The following PLEKHM3 variants were observed in gnomAD, a reference collection of about 807,000 sequenced individuals.
The protein encoded by PLEKHM3 is pleckstrin homology domain containing M3.
In PLEKHM3, 45 loss-of-function variants were observed where a neutral mutation model predicts 81.8. That is an observed-to-expected ratio of 0.55 (90% CI 0.43 to 0.71). PLEKHM3 has a LOEUF of 0.71. Among genes scored for constraint, PLEKHM3 ranks in the 30% least tolerant of loss-of-function variants. The pLI is 0.00. For synonymous variants in PLEKHM3, 352 were observed against 356.4 expected, an observed-to-expected ratio of 0.99 and a Z score of 0.14; for missense variants, 788 against 924.3, an observed-to-expected ratio of 0.85 and a Z score of 1.91.
chr2:207,921,749 G>C (rs1689189609), intron 5 of PLEKHM3, among the ~76,000 whole-genome samples: 1 of 152,134 alleles, frequency 6.6e-6, no homozygotes, highest in South Asian at 2.1e-4. Flanking sequence ...ATATGAATGA[G>C]AACATGGAGT....
intron 1 of PLEKHM3, among the ~76,000 whole-genome samples, chr2:208,006,495 C>T (rs1362883426): frequency 6.6e-6 from 1 of 152,188 alleles, no homozygotes; most frequent in Non-Finnish European, 1.5e-5. Context: ...ACCATTTAAC[C>T]TCTGCATGCC....
Position 207,832,111 on chromosome 2 carries a change from C to G in PLEKHM3, c.2109-3615G>C, listed in dbSNP as rs996407615. Among the ~76,000 whole-genome samples the G allele has an allele frequency of 1.6e-4, 25 of 152,174 alleles. 1 individual carries two copies. The highest frequency in any genetic ancestry group is 6.0e-4 in the African/African-American group (25 of 41,442). Reference sequence around the variant, plus strand: ...AAACACCCATGGGGTGATGGAAGAGCTGAGCGCACCTGCTCTTTCTAACCA... The same window carrying G: ...AAACACCCATGGGGTGATGGAAGAGGTGAGCGCACCTGCTCTTTCTAACCA... On this transcript the variant is annotated intron_variant, in intron 7 of 7. Transcript: ENST00000427836.
intron 5 of PLEKHM3, among the ~76,000 whole-genome samples, 184 bp downstream of exon 5, chr2:207,930,742 G>A (rs1486880717): frequency 6.6e-6 from 1 of 152,116 alleles, no homozygotes; most frequent in South Asian, 2.1e-4. Flanking sequence ...TAACCAAATG[G>A]GGACCTTGGA....
chr2:207,899,701 C>A (rs1040949359), intron 6 of PLEKHM3, among the ~76,000 whole-genome samples: 1 of 152,120 alleles, frequency 6.6e-6, no homozygotes, highest in South Asian at 2.1e-4. Context: ...ACTCATTCTA[C>A]GAATGTTTTG....
chr2:207,979,105 C>T (rs7593972), intron 2 of PLEKHM3, among the ~76,000 whole-genome samples: 68,956 of 152,058 alleles, frequency 0.45, 18,935 homozygotes, highest in Non-Finnish European at 0.6. Context: ...CCCCTCCTAT[C>T]TTCTTTTCTC....
chr2:207,840,797 A>ATTTTTTTATTTTTTTTTTTTTTTTT (rs1234865200), intron 7 of PLEKHM3, among the ~76,000 whole-genome samples: 1 of 110,260 alleles, frequency 9.1e-6, no homozygotes. Flanking sequence ...AACACTTTTT[A>ATTTTTTTATTTTTTTTTTTTTTTTT]TGTTTTTTTT....
intron 6 of PLEKHM3, among the ~76,000 whole-genome samples, chr2:207,871,132 C>T (rs1185735292): frequency 6.6e-6 from 1 of 152,112 alleles, no homozygotes. Flanking sequence ...ATAAATATCA[C>T]CAAAGTATAT....
chr2:207,956,717 A>AT (rs1690523988), intron 3 of PLEKHM3, among the ~76,000 whole-genome samples: 12 of 77,604 alleles, frequency 1.5e-4, no homozygotes, highest in Non-Finnish European at 2.8e-4. Flanking sequence ...GGCTGATTAA[A>AT]ATTTTTTTTT....
chr2:207,870,114 C>A (rs562914920), intron 6 of PLEKHM3, among the ~76,000 whole-genome samples: 1 of 152,242 alleles, frequency 6.6e-6, no homozygotes, highest in Admixed American at 6.5e-5. Flanking sequence ...GGTCTGCAGC[C>A]AATAGAGATC....
intron 5 of PLEKHM3, among the ~76,000 whole-genome samples, chr2:207,916,024 C>A (rs1340783597): frequency 6.6e-6 from 1 of 152,138 alleles, no homozygotes; most frequent in Non-Finnish European, 1.5e-5. Context: ...TTCGTATGTC[C>A]AGCCATACTC....
intron 7 of PLEKHM3, among the ~76,000 whole-genome samples, chr2:207,845,441 TG>T (rs2092377197): frequency 1.3e-5 from 2 of 152,216 alleles, no homozygotes; most frequent in South Asian, 4.1e-4. Context: ...TACAGTCCCA[TG>T]GGGAAGAAAA....
chr2:207,987,344 C>A (rs1691761717), intron 2 of PLEKHM3, among the ~76,000 whole-genome samples: 1 of 152,204 alleles, frequency 6.6e-6, no homozygotes, highest in African/African-American at 2.4e-5. Context: ...TCCACTCTAG[C>A]CACCGACTCT....
At chr2:207,869,180 A>G (rs1294751160) in intron 6 of PLEKHM3, among the ~76,000 whole-genome samples, 1 of 152,188 alleles carries the variant, frequency 6.6e-6, no homozygotes, top group South Asian at 2.1e-4. Flanking sequence ...CATCTTTAGC[A>G]TTAGAAGGCT....
chr2:207,903,367 G>A (rs2105893462), intron 6 of PLEKHM3, among the ~76,000 whole-genome samples: 1 of 152,176 alleles, frequency 6.6e-6, no homozygotes, highest in Admixed American at 6.5e-5. Context: ...GTGGGCAGTG[G>A]AGGGAGTAGC....
chr2:207,901,302 C>T, intron 6 of PLEKHM3: 1 of 703,060 alleles, frequency 1.4e-6, no homozygotes, highest in Non-Finnish European at 2.6e-6. Context: ...GCTGTAGTGC[C>T]TGGGTCTGCA....
intron 5 of PLEKHM3, among the ~76,000 whole-genome samples, chr2:207,913,776 A>G (rs569628531): frequency 8.5e-5 from 13 of 152,204 alleles, no homozygotes; most frequent in Middle Eastern, 3.4e-3. Flanking sequence ...AAATGCTAAC[A>G]TTAAGAAGCT....
At chr2:207,863,606 C>T (rs1319260570) in intron 6 of PLEKHM3, among the ~76,000 whole-genome samples, 2 of 152,202 alleles carry the variant, frequency 1.3e-5, no homozygotes, top group East Asian at 1.9e-4. Context: ...GCGTGCTGGG[C>T]CCTGGCAGTG....
At chr2:207,914,596 C>T (rs774892154) in intron 5 of PLEKHM3, among the ~76,000 whole-genome samples, 3 of 148,894 alleles carry the variant, frequency 2.0e-5, no homozygotes, top group Admixed American at 6.8e-5. Context: ...GCAGGAGGAT[C>T]AATTGAGCCC....
rs116643358 is a variant in PLEKHM3 at position 207,972,662 on chromosome 2, A to C, written c.1546+3989T>G. Reference sequence around the variant, plus strand: ...CAGTGCAACCCTGGAGCTGCAGAAGAAGCCACGGAACAGTCACACATAATC... The same window carrying C: ...CAGTGCAACCCTGGAGCTGCAGAAGCAGCCACGGAACAGTCACACATAATC... On this transcript the variant is annotated intron_variant, in intron 3 of 7. Transcript: ENST00000427836. Among the ~76,000 whole-genome samples, 1,394 of 152,274 alleles carry C rather than the reference A, an allele frequency of 9.2e-3. 9 individuals carry two copies. The highest frequency in any genetic ancestry group is 0.024 in the Middle Eastern group (7 of 294).
Sources: gnomAD v4.1 joint callset for allele counts (sites outside exome capture counted in the v4.1 genomes callset) on GRCh38, gnomAD v4.1.1 for gene constraint, MANE v1.5 for transcripts, NCBI Gene and HGNC (gene_info 2026-07-23, HGNC 2026-07-21) for gene names.